The following BLTP1 variants were observed in gnomAD, a reference collection of about 807,000 sequenced individuals.
The protein encoded by BLTP1 is fragile site-associated protein.
the BLTP1 span, chr4:122,215,423 G>A: frequency 8.1e-6 from 8 of 985,366 alleles, no homozygotes; most frequent in South Asian, 2.3e-4. Flanking sequence ...GCTGGTAACT[G>A]TTTTGTTGGT....
the BLTP1 span, chr4:122,236,880 C>G: frequency 1.0e-6 from 1 of 963,654 alleles, no homozygotes; most frequent in Non-Finnish European, 1.2e-6. Flanking sequence ...GGAAATAACC[C>G]CTACATACGT....
At chr4:122,260,630 A>G in the BLTP1 span, among the ~76,000 whole-genome samples, 3 of 152,138 alleles carry the variant, frequency 2.0e-5, no homozygotes, top group Non-Finnish European at 4.4e-5. Flanking sequence ...GATGAGAATC[A>G]AATTGGTGCA....
At chr4:122,277,842 G>T in the BLTP1 span, 2 of 544,250 alleles carry the variant, frequency 3.7e-6, no homozygotes, top group Non-Finnish European at 4.7e-6. Context: ...TGTCTGTATA[G>T]TGGTTGTACA....
chr4:122,266,875 A>T, the BLTP1 span: 1 of 1,612,664 alleles, frequency 6.2e-7, no homozygotes, highest in Non-Finnish European at 8.5e-7. Flanking sequence ...AACACCTTTC[A>T]TTTTCAGGGA....
At chr4:122,272,830 G>A in the BLTP1 span, among the ~76,000 whole-genome samples, 1 of 151,850 alleles carries the variant, frequency 6.6e-6, no homozygotes, top group African/African-American at 2.4e-5. Flanking sequence ...AATTTCCTAG[G>A]TTAGTGAAAA....
chr4:122,197,325 A>T, the BLTP1 span: 1 of 1,241,356 alleles, frequency 8.1e-7, no homozygotes, highest in Non-Finnish European at 1.1e-6. Flanking sequence ...AAATAATTAT[A>T]AATAATAAAG....
At chr4:122,351,261 C>A in the BLTP1 span, 1 of 915,242 alleles carries the variant, frequency 1.1e-6, no homozygotes, top group Non-Finnish European at 1.3e-6. Flanking sequence ...AACTAGAAAA[C>A]ACAAGAGAAG....
chr4:122,305,017 G>C, the BLTP1 span: 1 of 1,535,570 alleles, frequency 6.5e-7, no homozygotes, highest in Middle Eastern at 1.7e-4. Context: ...TAGAACGATG[G>C]CTTTTAAATT....
the BLTP1 span, chr4:122,197,948 A>C: frequency 6.1e-6 from 6 of 983,224 alleles, no homozygotes; most frequent in African/African-American, 8.7e-5. Context: ...ATTCTGCTTT[A>C]TTTTCTTTCT....
chr4:122,230,156 T>C, the BLTP1 span: 1 of 1,614,138 alleles, frequency 6.2e-7, no homozygotes, highest in Non-Finnish European at 8.5e-7. Context: ...TGACCATCAT[T>C]CTAAACATGA....
At chr4:122,269,210 T>C in the BLTP1 span, 2 of 365,452 alleles carry the variant, frequency 5.5e-6, no homozygotes, top group Non-Finnish European at 7.6e-6. Context: ...TGTTTTCATA[T>C]ATATAACTAG....
At chr4:122,207,274 T>A in the BLTP1 span, 1 of 1,587,318 alleles carries the variant, frequency 6.3e-7, no homozygotes, top group Admixed American at 1.8e-5. Flanking sequence ...TGGTAAGACA[T>A]TAAAAAAAAT....
the BLTP1 span, chr4:122,316,892 A>C: frequency 7.0e-7 from 1 of 1,421,916 alleles, no homozygotes; most frequent in Non-Finnish European, 9.6e-7. Flanking sequence ...ATTTAATATA[A>C]TGTTCCCTAA....
At chr4:122,257,672 A>T in the BLTP1 span, among the ~76,000 whole-genome samples, 1 of 152,198 alleles carries the variant, frequency 6.6e-6, no homozygotes, top group East Asian at 1.9e-4. Flanking sequence ...GTTACAAATA[A>T]ATTACTAATA....
the BLTP1 span, among the ~76,000 whole-genome samples, chr4:122,360,959 T>C: frequency 2.6e-5 from 4 of 152,206 alleles, no homozygotes; most frequent in Non-Finnish European, 5.9e-5. Flanking sequence ...GTTTAAGAGC[T>C]CTGGCTGTAA....
the BLTP1 span, chr4:122,175,792 A>G: frequency 1.7e-6 from 2 of 1,194,840 alleles, no homozygotes; most frequent in Non-Finnish European, 2.5e-6. Flanking sequence ...GGAATAACTA[A>G]GAAATGAGTT....
At chr4:122,318,092 T>G in the BLTP1 span, 1 of 1,537,182 alleles carries the variant, frequency 6.5e-7, no homozygotes, top group Non-Finnish European at 8.8e-7. Context: ...AAGTAAAAAA[T>G]CAGTCTTACT....
chr4:122,271,271 G>A, the BLTP1 span: 2 of 1,613,954 alleles, frequency 1.2e-6, no homozygotes, highest in Non-Finnish European at 1.7e-6. Context: ...CACAATGATA[G>A]ATGACATCAA....
At chr4:122,269,508 C>T in the BLTP1 span, 1 of 985,268 alleles carries the variant, frequency 1.0e-6, no homozygotes, top group Non-Finnish European at 1.2e-6. Context: ...TTACAACTAA[C>T]TCATGATCAG....
Sources: gnomAD v4.1 joint callset for allele counts (sites outside exome capture counted in the v4.1 genomes callset) on GRCh38, gnomAD v4.1.1 for gene constraint, MANE v1.5 for transcripts, NCBI Gene and HGNC (gene_info 2026-07-23, HGNC 2026-07-21) for gene names.